RBL1: variants seen among roughly 807,000 people sequenced by gnomAD.
The protein encoded by RBL1 is RB transcriptional corepressor like 1.
RBL1 carries 82 observed loss-of-function variants against 123.0 expected under a neutral mutation model. The observed-to-expected ratio is 0.67, with a 90% confidence interval of 0.56 to 0.80. RBL1 has a LOEUF of 0.80. Among genes scored for constraint, RBL1 ranks in the 30% least tolerant of loss-of-function variants. The pLI is 0.00. For synonymous variants in RBL1, 405 were observed against 441.3 expected (o/e 0.92, Z 1.03); for missense variants, 1,171 against 1,299.6 (o/e 0.90, Z 1.52).
In RBL1 at chr20:37,013,926, T is replaced by G. The variant is rs1177017888; in HGVS notation, c.2722+4353A>C. Among the ~76,000 whole-genome samples, 38 of 152,218 alleles carry G rather than the reference T, an allele frequency of 2.5e-4. 1 individual carries two copies. Among genetic ancestry groups the G allele is most frequent in the Non-Finnish European group, 1.5e-5 (1 of 68,048 alleles). On this transcript the variant is annotated intron_variant, in intron 19 of 21. Transcript: ENST00000373664. ...ACAGTAATTATTTTACAACTCATAA[T>G]GAATTTGTTTATAGAACCAGAACTG...
chr20:37,015,614 T>C (rs2064237596), intron 19 of RBL1, among the ~76,000 whole-genome samples: 1 of 152,090 alleles, frequency 6.6e-6, no homozygotes, highest in African/African-American at 2.4e-5. Flanking sequence ...GTATTTTTAG[T>C]GGAGACGAGG....
intron 9 of RBL1, among the ~76,000 whole-genome samples, chr20:37,058,057 G>A (rs889895892): frequency 1.3e-4 from 20 of 149,404 alleles, no homozygotes; most frequent in African/African-American, 2.2e-4. Context: ...CCTGGGAGGC[G>A]AAGGCTGCAG....
At chr20:37,052,056 A>G (rs1439343904) in intron 11 of RBL1, among the ~76,000 whole-genome samples, 1 of 151,148 alleles carries the variant, frequency 6.6e-6, no homozygotes, top group Non-Finnish European at 1.5e-5. Flanking sequence ...TTTTTTAGAT[A>G]GAGTCTCGCT....
At chr20:37,000,983 A>G (rs1184771478) in intron 21 of RBL1, among the ~76,000 whole-genome samples, 2 of 132,526 alleles carry the variant, frequency 1.5e-5, no homozygotes, top group Non-Finnish European at 3.2e-5. Context: ...GGAAGAGAGG[A>G]GCCCCTCTGC....
intron 2 of RBL1, among the ~76,000 whole-genome samples, chr20:37,087,785 A>G (rs907060424): frequency 2.0e-5 from 3 of 152,232 alleles, no homozygotes; most frequent in Non-Finnish European, 4.4e-5. Context: ...TGCCATAAAG[A>G]ACATTATTGA....
chr20:37,086,252 T>C (rs1172610266), intron 2 of RBL1, among the ~76,000 whole-genome samples: 1 of 152,206 alleles, frequency 6.6e-6, no homozygotes, highest in Non-Finnish European at 1.5e-5. Flanking sequence ...CATTTAATTT[T>C]TATCATCTTA....
intron 1 of RBL1, among the ~76,000 whole-genome samples, chr20:37,089,880 G>A (rs1207752252): frequency 6.6e-6 from 1 of 151,924 alleles, no homozygotes; most frequent in Non-Finnish European, 1.5e-5. Flanking sequence ...GCAAAACTCC[G>A]TCTCTACTAA....
At position 37,020,733 on chromosome 20, in the gene RBL1, A is replaced by G; in HGVS notation, c.2560-3T>C. On this transcript the variant is annotated splice_region_variant and splice_polypyrimidine_tract_variant and intron_variant, in intron 17 of 21. Transcript: ENST00000373664. ...AAAGTTCTTTCTTCTTTTGTTACCT[A>G]AGGAAAATAAAAACCGCATTTATCA... The G allele has an allele frequency of 6.4e-7, 1 of 1,550,838 alleles. No homozygotes were observed. The highest frequency in any genetic ancestry group is 1.2e-5 in the South Asian group (1 of 83,712).
At chr20:37,070,879 T>C (rs1342248886) in intron 2 of RBL1, among the ~76,000 whole-genome samples, 1 of 151,924 alleles carries the variant, frequency 6.6e-6, no homozygotes, top group East Asian at 1.9e-4. Flanking sequence ...GGTCTAGCAA[T>C]ATATACAGAA....
intron 11 of RBL1, among the ~76,000 whole-genome samples, chr20:37,050,544 C>CAAAAAAA (rs148834732): frequency 9.1e-5 from 1 of 10,944 alleles, no homozygotes; most frequent in Non-Finnish European, 1.7e-4. Flanking sequence ...GACTCTGTCT[C>CAAAAAAA]AAAAAAAAAA....
At chr20:37,007,389 A>T (rs1293675583) in intron 20 of RBL1, 22 bp downstream of exon 20, 1 of 1,600,410 alleles carries the variant, frequency 6.2e-7, no homozygotes, top group Non-Finnish European at 8.5e-7. Flanking sequence ...ATAATAATAA[A>T]GTAGTAAAAC....
At position 37,066,861 on chromosome 20, in the gene RBL1, C is replaced by G; in HGVS notation, c.709G>C (p.Ala237Pro). 2 of 1,613,376 alleles carry G rather than the reference C, an allele frequency of 1.2e-6. No homozygotes were observed. The highest frequency in any genetic ancestry group is 1.7e-6 in the Non-Finnish European group (2 of 1,179,850). Residue 237 changes from alanine to proline, a missense_variant, in exon 6 of 22, where the codon GCT becomes CCT. Ala to Pro is a conservative substitution (Grantham distance 27, BLOSUM62 -1). Coordinates refer to ENST00000373664, the MANE Select transcript of RBL1 (RefSeq NM_002895.5). ...GGCTCTTCAGAAGCCGTAAAGTCAG[C>G]AGTATGAAAATCAGATGGTAAACCT... ...FKGLPSDFHTADFTASEEPPC... is the reference protein window; with the variant it reads ...FKGLPSDFHTPDFTASEEPPC...
At chr20:37,030,445 C>T (rs1475905057) in intron 16 of RBL1, among the ~76,000 whole-genome samples, 1 of 152,114 alleles carries the variant, frequency 6.6e-6, no homozygotes, top group Non-Finnish European at 1.5e-5. Context: ...ATGGGCTGGG[C>T]GTGGTGGCTC....
rs374335339 is a variant in RBL1 at position 37,047,047 on chromosome 20, T to A, written c.1605+6A>T. The A allele has an allele frequency of 6.3e-7, 1 of 1,577,996 alleles. No homozygotes were observed. Among genetic ancestry groups the A allele is most frequent in the Non-Finnish European group, 8.5e-7 (1 of 1,171,478 alleles). On this transcript the variant is annotated splice_donor_region_variant and intron_variant, in intron 12 of 21. Transcript: ENST00000373664. ...ATCTCATAACAGAACTTTGTTTTCA[T>A]CTCACCTTATAAAAGTAAAATGGTT...
chr20:37,076,060 T>C (rs1181948566), intron 2 of RBL1, among the ~76,000 whole-genome samples: 2 of 152,212 alleles, frequency 1.3e-5, no homozygotes, highest in East Asian at 3.8e-4. Context: ...TAGGGACTAA[T>C]AGACTGTCAC....
At chr20:37,001,918 T>TAAAAAAAAAAAAAAAAAAAA (rs757774894) in intron 21 of RBL1, among the ~76,000 whole-genome samples, 1 of 86,544 alleles carries the variant, frequency 1.2e-5, no homozygotes, top group Non-Finnish European at 2.2e-5. Flanking sequence ...TGCAGAACAA[T>TAAAAAAAAAAAAAAAAAAAA]AAAAAAAAAA....
chr20:36,996,665 C>T lies in RBL1; in HGVS notation c.*2094G>A, dbSNP rs78301528. On this transcript the variant is annotated 3_prime_UTR_variant, in exon 22 of 22. Coordinates refer to ENST00000373664, the MANE Select transcript of RBL1 (RefSeq NM_002895.5). ...TGTTGCCCAGGTTAGTCTTGAACTC[C>T]TGGACTGAAGCAATCCTCCTGCCTC... 1 of 152,238 alleles carries T rather than the reference C, an allele frequency of 6.6e-6. No homozygotes were observed. Among genetic ancestry groups the T allele is most frequent in the Non-Finnish European group, 1.5e-5 (1 of 68,100 alleles). The allele number at this position is 152,238 out of a possible 1,614,324, so 9.4% of individuals were successfully genotyped here.
rs1339085715 is a variant in RBL1 at position 37,020,556 on chromosome 20, C to G, written c.2631+103G>C. 4 of 793,026 alleles carry G rather than the reference C, an allele frequency of 5.0e-6. No individual in the cohort carries two copies. The Admixed American group carries it at 1.3e-4, about 25-fold the overall frequency. 49.1% of individuals were successfully genotyped at this position (793,026 alleles called of 1,614,324 possible). On this transcript the variant is annotated intron_variant, in intron 18 of 21. Coordinates refer to ENST00000373664, the MANE Select transcript of RBL1 (RefSeq NM_002895.5). ...AATGTTATCCATTAAAACAGAAAAT[C>G]TGAAGTATATTAAAACTATAAAATA...
In RBL1 at chr20:37,061,247, G is replaced by C; in HGVS notation, c.1106C>G (p.Thr369Ser). 3.1e-6 allele frequency: 5 copies of C among 1,611,408 alleles called. No individual in the cohort carries two copies. Among genetic ancestry groups the C allele is most frequent in the Non-Finnish European group, 4.2e-6 (5 of 1,179,100 alleles). The change falls in exon 9 of 22, where the codon ACC becomes AGC. Residue 369 changes from threonine to serine, a missense_variant. Physicochemically the swap from Thr to Ser is moderately conservative, Grantham distance 58. Coordinates refer to ENST00000373664, the MANE Select transcript of RBL1 (RefSeq NM_002895.5). ...FEKKRSFAPS[T>S]PLTGRRYLRE... ...TAAATATCTCCGTCCGGTCAGTGGG[G>C]TAGAAGGTGCAAATGACCTTTTCTG...
Sources: gnomAD v4.1 joint callset for allele counts (sites outside exome capture counted in the v4.1 genomes callset) on GRCh38, gnomAD v4.1.1 for gene constraint, MANE v1.5 for transcripts, NCBI Gene and HGNC (gene_info 2026-07-23, HGNC 2026-07-21) for gene names.